PCLO: variants seen among roughly 807,000 people sequenced by gnomAD.
PCLO encodes the protein piccolo presynaptic cytomatrix protein.
Under a neutral mutation model 427.5 loss-of-function variants are expected in PCLO, and 82 were observed. The ratio of observed to expected loss-of-function variants is 0.19; its 90% confidence interval spans 0.16 to 0.23. The LOEUF (loss-of-function observed/expected upper bound fraction) is 0.23, where lower values mean the gene tolerates loss of function less well. Among genes scored for constraint, PCLO ranks in the 10% least tolerant of loss-of-function variants. PCLO has a pLI of 1.00. For synonymous variants in PCLO, 2,357 were observed against 2,155.4 expected (o/e 1.09, Z -2.59); for missense variants, 6,239 against 6,115.9 (o/e 1.02, Z -0.67).
chr7:82,959,069 TCTTA>T (rs1584222659), intron 4 of PCLO, among the ~76,000 whole-genome samples: 1 of 152,018 alleles, frequency 6.6e-6, no homozygotes, highest in African/African-American at 2.4e-5. Flanking sequence ...TTATTTTTCT[TCTTA>T]CTATTTTTTT....
At chr7:83,057,081 C>CATAT (rs34120621) in intron 3 of PCLO, among the ~76,000 whole-genome samples, 1 of 149,226 alleles carries the variant, frequency 6.7e-6, no homozygotes, top group African/African-American at 2.5e-5. Flanking sequence ...TTTCTTTAAC[C>CATAT]ATATATATAT....
chr7:83,038,005 A>ATT lies in PCLO; in HGVS notation c.3301-71519_3301-71518insAA, dbSNP rs1398725945. ...AGGAGGAGCTTATATATATATATAT[A>ATT]TATATATATATATATATATATATAT... On this transcript the variant is annotated intron_variant, in intron 3 of 24. Transcript: ENST00000333891. Among the ~76,000 whole-genome samples the ATT allele has an allele frequency of 1.0e-4, 4 of 39,794 alleles. No homozygotes were observed. In the East Asian group the frequency reaches 4.2e-3, roughly 41 times the overall value. 26.1% of individuals were successfully genotyped at this position (39,794 alleles called of 152,430 possible).
At chr7:83,052,731 C>G (rs926802518) in intron 3 of PCLO, among the ~76,000 whole-genome samples, 2 of 151,956 alleles carry the variant, frequency 1.3e-5, no homozygotes, top group African/African-American at 4.8e-5. Flanking sequence ...TACATTTGTA[C>G]TAACTAGAAA....
intron 3 of PCLO, among the ~76,000 whole-genome samples, chr7:82,992,431 G>A (rs555638946): frequency 6.6e-6 from 1 of 152,202 alleles, no homozygotes; most frequent in South Asian, 2.1e-4. Context: ...ATAGTGTGTT[G>A]TAATAATGGA....
At chr7:82,924,411 T>C (rs1794666394) in intron 6 of PCLO, among the ~76,000 whole-genome samples, 1 of 152,124 alleles carries the variant, frequency 6.6e-6, no homozygotes, top group South Asian at 2.1e-4. Context: ...GCTATTTTAA[T>C]AATACAGTTT....
chr7:83,080,851 T>C (rs1210956754), intron 3 of PCLO, among the ~76,000 whole-genome samples: 1 of 151,986 alleles, frequency 6.6e-6, no homozygotes, highest in African/African-American at 2.4e-5. Flanking sequence ...ACTATCTTTT[T>C]CCCCATATAT....
At chr7:83,005,299 G>A (rs1248507557) in intron 3 of PCLO, among the ~76,000 whole-genome samples, 1 of 151,618 alleles carries the variant, frequency 6.6e-6, no homozygotes, top group Non-Finnish European at 1.5e-5. Context: ...ATTATGCTAA[G>A]TGTAATAAGA....
intron 9 of PCLO, among the ~76,000 whole-genome samples, chr7:82,895,499 C>CA (rs1270588145): frequency 1.3e-5 from 2 of 151,192 alleles, no homozygotes; most frequent in Non-Finnish European, 3.0e-5. Context: ...AAATAGAAAA[C>CA]AAAAAATAAT....
chr7:83,053,889 T>G lies in PCLO; in HGVS notation c.3300+80361A>C, dbSNP rs78429244. 2.2e-4 allele frequency among the ~76,000 whole-genome samples: 33 copies of G among 152,070 alleles called. No homozygotes were observed. The East Asian group carries it at 6.2e-3, about 29-fold the overall frequency. On this transcript the variant is annotated intron_variant, in intron 3 of 24. Transcript: ENST00000333891. ...ACAAAACTACCAGACACATCTTCAC[T>G]TCAGAGATGTTGAAATGTGGAAAAA...
intron 2 of PCLO, among the ~76,000 whole-genome samples, chr7:83,144,982 G>A (rs1791957672): frequency 6.6e-6 from 1 of 152,078 alleles, no homozygotes; most frequent in African/African-American, 2.4e-5. Context: ...TATTGCAAGT[G>A]ATTTTTTTAT....
Position 82,914,768 on chromosome 7 carries a change from C to A in PCLO, c.13218G>T (p.Arg4406Ser), listed in dbSNP as rs767015823. The A allele has an allele frequency of 2.5e-6, 4 of 1,613,242 alleles. No homozygotes were observed. Among genetic ancestry groups the A allele is most frequent in the Non-Finnish European group, 3.4e-6 (4 of 1,179,650 alleles). The change falls in exon 7 of 25, where the codon AGG (arginine) becomes AGT (serine). Residue 4406 changes from arginine to serine, a missense_variant. Around this residue, in one of 5 missense-constraint regions of PCLO, gnomAD observed 877 missense variants for 925.5 expected, o/e 0.95. Coordinates refer to ENST00000333891, the MANE Select transcript of PCLO (RefSeq NM_033026.6). Reference sequence around the variant, plus strand: ...CATAGCCTCGAGTCCGTGATTCTTCCCTCATGTGTTGCTGAACTTCAGGCA... The same window carrying A: ...CATAGCCTCGAGTCCGTGATTCTTCACTCATGTGTTGCTGAACTTCAGGCA... ...HSLPEVQQHMREESRTRGYDR... is the reference protein window; with the variant it reads ...HSLPEVQQHMSEESRTRGYDR...
intron 3 of PCLO, among the ~76,000 whole-genome samples, chr7:83,050,227 A>AAAAAAAAAAAAACAAAAACAAAAAC (rs71074611): frequency 8.2e-5 from 7 of 85,640 alleles, no homozygotes; most frequent in East Asian, 2.6e-4. Flanking sequence ...AAAAAAAAAA[A>AAAAAAAAAAAAACAAAAACAAAAAC]AAAAAAAAAA....
intron 22 of PCLO, among the ~76,000 whole-genome samples, chr7:82,774,108 C>T (rs1790700203): frequency 6.6e-6 from 1 of 152,160 alleles, no homozygotes; most frequent in Non-Finnish European, 1.5e-5. Flanking sequence ...GTGCTTGCTT[C>T]ATCTTCCCTA....
At chr7:82,927,330 A>AT (rs201966310) in intron 6 of PCLO, among the ~76,000 whole-genome samples, 1 of 152,226 alleles carries the variant, frequency 6.6e-6, no homozygotes, top group Admixed American at 6.5e-5. Flanking sequence ...GATAACCACT[A>AT]TTTTTTTAAA....
At chr7:83,089,316 A>C (rs1053664415) in intron 3 of PCLO, among the ~76,000 whole-genome samples, 1 of 152,038 alleles carries the variant, frequency 6.6e-6, no homozygotes, top group Non-Finnish European at 1.5e-5. Flanking sequence ...GACTTGTTCT[A>C]TTTCACCAGA....
At chr7:83,009,812 C>T (rs1257932067) in intron 3 of PCLO, among the ~76,000 whole-genome samples, 3 of 151,876 alleles carry the variant, frequency 2.0e-5, no homozygotes, top group African/African-American at 4.8e-5. Flanking sequence ...ATTGCCTATG[C>T]ATGATGTTTA....
At chr7:82,930,489 C>A (rs899133417) in intron 6 of PCLO, among the ~76,000 whole-genome samples, 3 of 152,120 alleles carry the variant, frequency 2.0e-5, no homozygotes, top group Non-Finnish European at 4.4e-5. Flanking sequence ...ATTAATGGTA[C>A]AAAACTTACT....
intron 6 of PCLO, among the ~76,000 whole-genome samples, chr7:82,922,516 C>T (rs1463411550): frequency 3.3e-5 from 5 of 151,756 alleles, no homozygotes; most frequent in Non-Finnish European, 1.5e-5. Flanking sequence ...ATGTTGTCAC[C>T]TATAAGTGGG....
intron 10 of PCLO, among the ~76,000 whole-genome samples, chr7:82,850,977 A>C (rs969834800): frequency 1.1e-4 from 17 of 152,198 alleles, no homozygotes; most frequent in African/African-American, 4.1e-4. Flanking sequence ...ATATTACCTA[A>C]CTGTCATCAT....
Sources: allele counts gnomAD v4.1 joint callset (sites outside exome capture counted in the v4.1 genomes callset), GRCh38; gene constraint gnomAD v4.1.1; regional missense constraint gnomAD v4.1.1; transcripts MANE v1.5; gene names NCBI Gene and HGNC (gene_info 2026-07-23, HGNC 2026-07-21).